DEAF1: variants seen among roughly 807,000 people sequenced by gnomAD.
The protein encoded by DEAF1 is deformed epidermal autoregulatory factor 1 homolog.
DEAF1 carries 53 observed loss-of-function variants against 58.9 expected under a neutral mutation model. The ratio of observed to expected loss-of-function variants is 0.90; its 90% CI spans 0.72 to 1.13. DEAF1 has a LOEUF of 1.13. DEAF1 is among the 50% of genes most tolerant of loss of function. The pLI is 0.00. For missense variants in DEAF1, 685 were observed against 791.4 expected (o/e 0.87, Z 1.61); for synonymous variants, 385 against 340.4 (o/e 1.13, Z -1.44).
At chr11:665,391 G>A (rs1378902591) in intron 10 of DEAF1, among the ~76,000 whole-genome samples, 2 of 152,174 alleles carry the variant, frequency 1.3e-5, no homozygotes, top group Non-Finnish European at 2.9e-5. Context: ...TGACACGTCC[G>A]ATACACAGCT....
chr11:702,934 C>G (rs1309089040), intron 1 of DEAF1: 4 of 1,599,000 alleles, frequency 2.5e-6, no homozygotes, highest in East Asian at 2.2e-5. Context: ...CCCCTTTGCT[C>G]TGTTCTCCAG....
intron 4 of DEAF1, 99 bp from the exon 5 acceptor site, chr11:687,096 G>A: frequency 6.4e-7 from 1 of 1,558,128 alleles, no homozygotes; most frequent in Non-Finnish European, 8.7e-7. Flanking sequence ...ACCAGCACCA[G>A]CGCCCCAGCG....
In DEAF1 at chr11:703,801, G is replaced by A. The variant is rs1332357458; in HGVS notation, c.-438+2771C>T. The A allele has an allele frequency of 2.4e-6, 3 of 1,233,062 alleles. No homozygotes were observed. In the African/African-American group the frequency reaches 4.7e-5, roughly 19 times the overall value. The allele number at this position is 1,233,062 out of a possible 1,614,324, so 76.4% of individuals were successfully genotyped here. On this transcript the variant is annotated intron_variant, in intron 1 of 11. Transcript: ENST00000683307. The stretch of plus-strand genomic sequence containing the variant: ...TCTTAGCCACACTTCTCCCTTCAGG[G>A]GCTTCGGAGGAGAGGTCAGGGCTAA...
In DEAF1 at chr11:654,029, C is replaced by T. The variant is rs193920740; in HGVS notation, c.1526G>A (p.Arg509Gln). 4.9e-5 allele frequency: 79 copies of T among 1,613,564 alleles called. No individual in the cohort carries two copies. Among genetic ancestry groups the T allele is most frequent in the African/African-American group, 9.4e-5 (7 of 74,864 alleles). Reference sequence around the variant, plus strand: ...GCCGGTGCACTCGCTCATAGCCTCCCGGCCGCAGTTAACGCAGGACTGCTG... The same window carrying T: ...GCCGGTGCACTCGCTCATAGCCTCCTGGCCGCAGTTAACGCAGGACTGCTG... The part of the protein sequence containing the change: ...RKEQSCVNCG[R>Q]EAMSECTGCH... The change falls in exon 11 of 12, where the codon CGG (arginine) becomes CAG (glutamine). Residue 509 changes from arginine (R) to glutamine (Q), a missense_variant. Transcript: ENST00000382409.
At chr11:656,573 G>A (rs1859065306) in intron 10 of DEAF1, among the ~76,000 whole-genome samples, 1 of 152,268 alleles carries the variant, frequency 6.6e-6, no homozygotes, top group Non-Finnish European at 1.5e-5. Context: ...GGCCAGGCAG[G>A]ACCCTGGTCC....
rs1300511061 is a variant in DEAF1, at chr11:695,169, C to T, written c.-122G>A. 4 of 928,178 alleles carry T rather than the reference C, an allele frequency of 4.3e-6. No individual in the cohort carries two copies. The highest frequency in any genetic ancestry group is 7.9e-4 in the Middle Eastern group (2 of 2,536). 57.5% of individuals were successfully genotyped at this position (928,178 alleles called of 1,614,324 possible). A position where few individuals can be genotyped will look rare whatever the true frequency, so the allele number is the denominator to read the frequency against. On this transcript the variant is annotated 5_prime_UTR_variant, in exon 1 of 12. Transcript: ENST00000382409. ...GGGCCGAGGCCGCCCGAAGCCGCCG[C>T]CCGAATAGGGACCGAAAAGGCAGCC...
chr11:703,378 A>G, intron 1 of DEAF1: 1 of 1,379,786 alleles, frequency 7.2e-7, no homozygotes, highest in Non-Finnish European at 9.3e-7. Flanking sequence ...GGTAGGGACC[A>G]GACAGAACTG....
Position 674,153 on chromosome 11 carries a change from G to C in DEAF1, c.1503+383C>G, listed in dbSNP as rs138966766. 1.1e-3 allele frequency: 337 copies of C among 316,280 alleles called. 2 individuals carry two copies. The highest frequency in any genetic ancestry group is 4.8e-3 in the Middle Eastern group (4 of 832). 19.6% of individuals were successfully genotyped at this position (316,280 alleles called of 1,614,324 possible). A position where few individuals can be genotyped will look rare whatever the true frequency, so the allele number is the denominator to read the frequency against. On this transcript the variant is annotated intron_variant, in intron 10 of 11. Coordinates refer to ENST00000382409, the MANE Select transcript of DEAF1 (RefSeq NM_021008.4). ...CAGGAAGGGGCTCAGCATTCGCCCTGCCAGTCGCTGATACTCAGAGACTCA... is the reference window on the plus strand; with the variant it reads ...CAGGAAGGGGCTCAGCATTCGCCCTCCCAGTCGCTGATACTCAGAGACTCA...
At chr11:670,725 T>C (rs1030870140) in intron 10 of DEAF1, among the ~76,000 whole-genome samples, 1 of 150,594 alleles carries the variant, frequency 6.6e-6, no homozygotes, top group Non-Finnish European at 1.5e-5. Flanking sequence ...AATATATATA[T>C]ATCTTTTTCT....
At chr11:668,294 C>T (rs892523220) in intron 10 of DEAF1, among the ~76,000 whole-genome samples, 2 of 152,158 alleles carry the variant, frequency 1.3e-5, no homozygotes, top group Non-Finnish European at 2.9e-5. Context: ...ATTTGGACCA[C>T]ACTATGAACC....
chr11:705,381 G>C (rs1861668939), intron 1 of DEAF1: 1 of 154,490 alleles, frequency 6.5e-6, no homozygotes, highest in South Asian at 2.0e-4. Flanking sequence ...GGTCACAGCA[G>C]CTGGGGAGAA....
At position 695,133 on chromosome 11, in the gene DEAF1, A is replaced by C. The variant is rs1284646521; in HGVS notation, c.-86T>G. 1 of 1,263,526 alleles carries C rather than the reference A, an allele frequency of 7.9e-7. No homozygotes were observed. Among genetic ancestry groups the C allele is most frequent in the Non-Finnish European group, 1.0e-6 (1 of 976,992 alleles). The allele number at this position is 1,263,526 out of a possible 1,614,324, so 78.3% of individuals were successfully genotyped here. Reference sequence around the variant, plus strand: ...GAGCCCGAAGCGGGGCCCGAAGAGGACGCCCGAGCTGGGCCGAGGCCGCCC... The same window carrying C: ...GAGCCCGAAGCGGGGCCCGAAGAGGCCGCCCGAGCTGGGCCGAGGCCGCCC... On this transcript the variant is annotated 5_prime_UTR_variant, in exon 1 of 12. Transcript: ENST00000382409.
At chr11:665,334 A>C (rs894676192) in intron 10 of DEAF1, among the ~76,000 whole-genome samples, 14 of 150,584 alleles carry the variant, frequency 9.3e-5, no homozygotes, top group African/African-American at 2.4e-5. Context: ...TGTCACACTC[A>C]GAGCCTCTGA....
Position 678,834 on chromosome 11 carries a change from A to G in DEAF1, c.1127-12T>C, listed in dbSNP as rs1860198760. ...GCTGGCCTCTTGGACTGTTGGGGAG[A>G]AAAAGGACAGGGAGGCTCGGGATGG... On this transcript the variant is annotated splice_polypyrimidine_tract_variant and intron_variant, in intron 8 of 11. Coordinates refer to ENST00000382409, the MANE Select transcript of DEAF1 (RefSeq NM_021008.4). 6.2e-7 allele frequency: 1 copy of G among 1,613,088 alleles called. No homozygotes were observed. Among genetic ancestry groups the G allele is most frequent in the South Asian group, 1.1e-5 (1 of 91,038 alleles).
chr11:668,672 A>C (rs1859664509), intron 10 of DEAF1, among the ~76,000 whole-genome samples: 1 of 152,150 alleles, frequency 6.6e-6, no homozygotes, highest in African/African-American at 2.4e-5. Flanking sequence ...AAATACAAAA[A>C]TTAGCCAAGC....
chr11:695,887 C>A, upstream of DEAF1: 1 of 1,217,630 alleles, frequency 8.2e-7, no homozygotes, highest in Non-Finnish European at 1.0e-6. Flanking sequence ...CTTGCAGCGG[C>A]GGGCGCGGCG....
intron 10 of DEAF1, among the ~76,000 whole-genome samples, chr11:663,185 G>A (rs945033870): frequency 2.0e-5 from 3 of 152,212 alleles, no homozygotes; most frequent in Non-Finnish European, 4.4e-5. Context: ...GGTGGCTTAC[G>A]TCTGTAATCC....
chr11:685,899 C>T (rs2133398208), intron 5 of DEAF1, among the ~76,000 whole-genome samples: 1 of 151,928 alleles, frequency 6.6e-6, no homozygotes, highest in African/African-American at 2.4e-5. Context: ...AATCCCAGCA[C>T]TTTGAGAGGC....
At chr11:702,132 G>A (rs1861524900) in intron 1 of DEAF1, among the ~76,000 whole-genome samples, 1 of 152,150 alleles carries the variant, frequency 6.6e-6, no homozygotes, top group Non-Finnish European at 1.5e-5. Context: ...GCGGGGAAGG[G>A]TGGCCCCCAC....
Sources: allele counts gnomAD v4.1 joint callset (sites outside exome capture counted in the v4.1 genomes callset), GRCh38; gene constraint gnomAD v4.1.1; transcripts MANE v1.5; gene names NCBI Gene and HGNC (gene_info 2026-07-23, HGNC 2026-07-21).